TBC1D8B: variants seen among roughly 807,000 people sequenced by gnomAD.
TBC1D8B encodes TBC1 domain family member 8B, also known as RP11-321G1.1.
In TBC1D8B, 75 loss-of-function variants were observed where a neutral mutation model predicts 82.9. That is an observed-to-expected ratio of 0.90 (90% CI 0.75 to 1.10). The LOEUF (loss-of-function observed/expected upper bound fraction) is 1.10. Among genes scored for constraint, TBC1D8B ranks in the 50% least tolerant of loss-of-function variants. The probability of loss-of-function intolerance (pLI) is 0.00; values close to 1 mark genes in which losing one functional copy is unlikely to be tolerated. For synonymous variants in TBC1D8B, 276 were observed against 276.8 expected, an observed-to-expected ratio of 1.00 and a Z score of 0.03; for missense variants, 794 against 796.9, an observed-to-expected ratio of 1.00 and a Z score of 0.04.
chrX:106,813,121 G>C (rs1331997292), intron 1 of TBC1D8B, among the ~76,000 whole-genome samples: 1 of 112,105 alleles, frequency 8.9e-6, no homozygotes, highest in African/African-American at 3.2e-5. Flanking sequence ...GCCTCCCAAA[G>C]TGCTGGGATT....
intron 7 of TBC1D8B, among the ~76,000 whole-genome samples, chrX:106,832,815 A>G (rs1449157496): frequency 9.0e-6 from 1 of 111,555 alleles, no homozygotes; most frequent in East Asian, 2.8e-4. Flanking sequence ...GGTTTCCTAC[A>G]TGATAATGTA....
intron 20 of TBC1D8B, among the ~76,000 whole-genome samples, chrX:106,872,785 C>T (rs1932858670): frequency 9.1e-6 from 1 of 109,755 alleles, no homozygotes. Context: ...GCCCAGGCAA[C>T]ATAGTAAGAT....
At chrX:106,863,650 G>A (rs775426053) in intron 14 of TBC1D8B, among the ~76,000 whole-genome samples, 1 of 111,948 alleles carries the variant, frequency 8.9e-6, no homozygotes, top group Admixed American at 9.4e-5. Flanking sequence ...GGGTACCAGG[G>A]GTTGCAACTG....
intron 7 of TBC1D8B, chrX:106,829,640 C>T (rs1234470795): frequency 3.8e-5 from 4 of 105,189 alleles, no homozygotes; most frequent in African/African-American, 3.6e-5. Flanking sequence ...AATAATGCCG[C>T]ATACCTACAA....
intron 10 of TBC1D8B, among the ~76,000 whole-genome samples, chrX:106,841,365 A>T (rs1173367241): frequency 1.8e-5 from 2 of 112,179 alleles, no homozygotes; most frequent in Non-Finnish European, 3.8e-5. Flanking sequence ...AATTTTGGAC[A>T]TATGGAAATG....
chrX:106,821,105 T>C (rs1305714083), intron 3 of TBC1D8B, 110 bp downstream of exon 3: 4 of 430,912 alleles, frequency 9.3e-6, no homozygotes, highest in Non-Finnish European at 8.0e-6. Flanking sequence ...CCTTTCAGGA[T>C]TGGTAGAAAC....
rs761135354 is a variant in TBC1D8B, at chrX:106,829,282, G to A, written c.1203+1945G>A. On this transcript the variant is annotated intron_variant, in intron 7 of 20. Transcript: ENST00000357242. Reference sequence around the variant, plus strand: ...AGGAGAACTACAAACCACTACTCAAGGAAATAAAAGAGGATACAAACAAAT... The same window carrying A: ...AGGAGAACTACAAACCACTACTCAAAGAAATAAAAGAGGATACAAACAAAT... The A allele has an allele frequency of 5.6e-5, 6 of 107,308 alleles. No homozygotes were observed. The East Asian group carries it at 1.7e-3, about 31-fold the overall frequency. The allele number at this position is 107,308 out of a possible 1,213,427, so 8.8% of individuals were successfully genotyped here.
chrX:106,875,402 T>C lies in TBC1D8B; in HGVS notation c.*1437T>C, dbSNP rs919301214. On this transcript the variant is annotated 3_prime_UTR_variant, in exon 21 of 21. Coordinates refer to ENST00000357242, the MANE Select transcript of TBC1D8B (RefSeq NM_017752.3). ...TTAACACATGGGGCTTCATCGCTCA[T>C]AGAATATGTTATTTTCAAAGAAGTT... 1 of 111,885 alleles carries C rather than the reference T, an allele frequency of 8.9e-6. No homozygotes were observed. The highest frequency in any genetic ancestry group is 1.9e-5 in the Non-Finnish European group (1 of 53,161). 9.2% of individuals were successfully genotyped at this position (111,885 alleles called of 1,213,427 possible). A position where few individuals can be genotyped will look rare whatever the true frequency, so the allele number is the denominator to read the frequency against.
chrX:106,870,856 T>G (rs1008739684), intron 20 of TBC1D8B, 43 bp downstream of exon 20: 2 of 917,961 alleles, frequency 2.2e-6, no homozygotes, highest in African/African-American at 4.0e-5. Flanking sequence ...CTTGCTTTTT[T>G]GTATGGATGT....
At position 106,823,348 on chromosome X, in the gene TBC1D8B, A is replaced by G. The variant is rs1008740907; in HGVS notation, c.709A>G (p.Ile237Val). 3 of 1,208,956 alleles carry G rather than the reference A, an allele frequency of 2.5e-6. No homozygotes were observed. Among genetic ancestry groups the G allele is most frequent in the Non-Finnish European group, 3.4e-6 (3 of 894,532 alleles). Residue 237 changes from isoleucine to valine, a missense_variant, in exon 5 of 21, where the codon ATT becomes GTT. Physicochemically the swap from Ile to Val is conservative, Grantham distance 29 (BLOSUM62 3). Coordinates refer to ENST00000357242, the MANE Select transcript of TBC1D8B (RefSeq NM_017752.3). ...TCACTACTTTTCAATGTTTTTGCAC[A>G]TTAACCAAACATACCTTCTTATGGA... is the stretch of plus-strand genomic sequence containing the variant. ...ENHYFSMFLH[I>V]NQTYLLMEQL... is the part of the protein sequence containing the mutation.
Position 106,875,933 on chromosome X carries a change from A to G in TBC1D8B, c.*1968A>G, listed in dbSNP as rs879164793. ...AGTTTATAAATGCAAAGCAAAAAGA[A>G]AACATTTATTTTCTGAGTCTGCAGG... is the stretch of plus-strand genomic sequence containing the variant. On this transcript the variant is annotated 3_prime_UTR_variant, in exon 21 of 21. Coordinates refer to ENST00000357242, the MANE Select transcript of TBC1D8B (RefSeq NM_017752.3). The G allele has an allele frequency of 1.8e-5, 2 of 112,431 alleles. No homozygotes were observed. Among genetic ancestry groups the G allele is most frequent in the South Asian group, 7.4e-4 (2 of 2,720 alleles). 9.3% of individuals were successfully genotyped at this position (112,431 alleles called of 1,213,427 possible).
intron 12 of TBC1D8B, among the ~76,000 whole-genome samples, chrX:106,852,385 A>G (rs1433658202): frequency 9.6e-6 from 1 of 104,310 alleles, no homozygotes; most frequent in Non-Finnish European, 2.0e-5. Context: ...CTCTGATGGT[A>G]GTTTCTTTTG....
At chrX:106,805,518 C>T (rs773142592) in intron 1 of TBC1D8B, among the ~76,000 whole-genome samples, 18 of 111,608 alleles carry the variant, frequency 1.6e-4, no homozygotes, top group African/African-American at 5.5e-4. Flanking sequence ...AGATTTCTAC[C>T]ACATATATAT....
chrX:106,848,368 C>A, intron 11 of TBC1D8B, 65 bp downstream of exon 11: 1 of 739,926 alleles, frequency 1.4e-6, no homozygotes, highest in Non-Finnish European at 1.9e-6. Flanking sequence ...CCTTTCTAAA[C>A]AATTTCAGTG....
chrX:106,804,454 T>C (rs955746198), intron 1 of TBC1D8B, among the ~76,000 whole-genome samples: 6 of 112,113 alleles, frequency 5.4e-5, no homozygotes, highest in Admixed American at 3.8e-4. Flanking sequence ...CATTTTCTAA[T>C]TTTTAAAAAT....
intron 7 of TBC1D8B, among the ~76,000 whole-genome samples, chrX:106,836,265 G>T (rs62605971): frequency 0.032 from 3,535 of 111,438 alleles, 57 homozygotes; most frequent in Middle Eastern, 0.066. Context: ...CAGATCTCTT[G>T]AGAACTCACT....
At chrX:106,822,266 T>C (rs1190631561) in intron 4 of TBC1D8B, 64 bp downstream of exon 4, 30 of 865,309 alleles carry the variant, frequency 3.5e-5, no homozygotes, top group Non-Finnish European at 4.7e-5. Context: ...ACTCTAATGA[T>C]GTTAGGTTGT....
chrX:106,865,389 GATA>G (rs780073793), intron 14 of TBC1D8B, among the ~76,000 whole-genome samples, 167 bp from the exon 15 acceptor site: 24 of 112,217 alleles, frequency 2.1e-4, no homozygotes, highest in Non-Finnish European at 3.8e-4. Flanking sequence ...AGGAAAAATA[GATA>G]ATAACTTTAT....
intron 5 of TBC1D8B, among the ~76,000 whole-genome samples, chrX:106,824,058 A>T (rs1022066615): frequency 1.2e-4 from 13 of 111,596 alleles, no homozygotes; most frequent in Middle Eastern, 4.6e-3. Context: ...TGAGGCAAAT[A>T]TTAATCATTA....
Sources: allele counts gnomAD v4.1 joint callset (sites outside exome capture counted in the v4.1 genomes callset), GRCh38; gene constraint gnomAD v4.1.1; transcripts MANE v1.5; gene names NCBI Gene and HGNC (gene_info 2026-07-23, HGNC 2026-07-21).